The following USP47 variants were observed in gnomAD, a reference collection of about 807,000 sequenced individuals.
USP47 encodes ubiquitin specific peptidase 47.
In USP47, 35 loss-of-function variants were observed where a neutral mutation model predicts 165.1. The ratio of observed to expected loss-of-function variants is 0.21; its 90% CI spans 0.16 to 0.28. The LOEUF (loss-of-function observed/expected upper bound fraction) is 0.28, where lower values mean the gene tolerates loss of function less well. USP47 is among the 10% of genes least tolerant of loss of function. The probability of loss-of-function intolerance (pLI) is 1.00; values close to 1 mark genes in which losing one functional copy is unlikely to be tolerated. For missense variants in USP47, 1,277 were observed against 1,607.4 expected, an observed-to-expected ratio of 0.79 and a Z score of 3.52; for synonymous variants, 531 against 544.5, an observed-to-expected ratio of 0.98 and a Z score of 0.35.
At chr11:11,887,275 C>T (rs929790670) in intron 3 of USP47, among the ~76,000 whole-genome samples, 1 of 152,000 alleles carries the variant, frequency 6.6e-6, no homozygotes, top group Non-Finnish European at 1.5e-5. Flanking sequence ...TTAAAAGGCA[C>T]AGAATGGCAA....
At chr11:11,901,182 C>T (rs573446152) in intron 5 of USP47, among the ~76,000 whole-genome samples, 5 of 152,132 alleles carry the variant, frequency 3.3e-5, no homozygotes, top group Non-Finnish European at 5.9e-5. Context: ...AGAGCTGTGA[C>T]TTCTCAGTCC....
At chr11:11,878,676 G>A (rs547063955) in intron 1 of USP47, 16 of 151,338 alleles carry the variant, frequency 1.1e-4, no homozygotes, top group Non-Finnish European at 2.2e-4. Context: ...TAAATATTTG[G>A]ATGTGTCTGA....
chr11:11,926,652 T>A lies in USP47; in HGVS notation c.1387-2782T>A, dbSNP rs546675013. ...TTCATTTTTTTTTCCTATTCTCTAT[T>A]TATTTCTGCTCTAATCTTTATTTCC... On this transcript the variant is annotated intron_variant, in intron 11 of 27. Transcript: ENST00000527733. Among the ~76,000 whole-genome samples the A allele has an allele frequency of 3.9e-5, 6 of 151,996 alleles. 1 individual carries two copies. In the South Asian group the frequency reaches 1.2e-3, roughly 32 times the overall value.
At chr11:11,877,838 T>C (rs1564860872) in intron 1 of USP47, among the ~76,000 whole-genome samples, 3 of 97,036 alleles carry the variant, frequency 3.1e-5, no homozygotes, top group African/African-American at 1.1e-4. Flanking sequence ...TGTGTGTGTG[T>C]GTGTGTGTGT....
chr11:11,945,638 C>CT (rs1177080415), intron 20 of USP47, among the ~76,000 whole-genome samples: 1 of 150,088 alleles, frequency 6.7e-6, no homozygotes, highest in Non-Finnish European at 1.5e-5. Flanking sequence ...TACCGCTTCA[C>CT]TTAAGAAATT....
chr11:11,945,896 C>T (rs1348765955), intron 20 of USP47, among the ~76,000 whole-genome samples: 1 of 151,240 alleles, frequency 6.6e-6, no homozygotes, highest in Non-Finnish European at 1.5e-5. Flanking sequence ...GATCGTACCA[C>T]TGCACTCCAG....
intron 3 of USP47, among the ~76,000 whole-genome samples, chr11:11,888,500 A>G (rs1258599394): frequency 1.3e-5 from 2 of 152,186 alleles, no homozygotes; most frequent in East Asian, 3.8e-4. Context: ...AGACTGAACT[A>G]GGAAGAAATT....
At chr11:11,886,393 A>G (rs1216967723) in intron 3 of USP47, among the ~76,000 whole-genome samples, 2 of 152,216 alleles carry the variant, frequency 1.3e-5, no homozygotes, top group African/African-American at 4.8e-5. Context: ...TCAGAAAGGA[A>G]CATTACTGAC....
At chr11:11,955,251 T>C in intron 27 of USP47, 87 bp downstream of exon 27, 1 of 1,509,824 alleles carries the variant, frequency 6.6e-7, no homozygotes, top group Non-Finnish European at 8.9e-7. Context: ...CTTTACTGTT[T>C]TTATGATATG....
chr11:11,849,290 G>C (rs1298049989), intron 1 of USP47, among the ~76,000 whole-genome samples: 1 of 152,156 alleles, frequency 6.6e-6, no homozygotes, highest in Non-Finnish European at 1.5e-5. Context: ...ATTTTGCTTT[G>C]CTTAGTTTTC....
chr11:11,905,915 T>C (rs1178149967), intron 8 of USP47, among the ~76,000 whole-genome samples: 1 of 152,128 alleles, frequency 6.6e-6, no homozygotes, highest in African/African-American at 2.4e-5. Flanking sequence ...TTTGGGGGGA[T>C]TGTTTTGATC....
chr11:11,939,651 A>T (rs1056023022), intron 18 of USP47, among the ~76,000 whole-genome samples: 2 of 151,984 alleles, frequency 1.3e-5, no homozygotes, highest in African/African-American at 2.4e-5. Flanking sequence ...ATGTAAAAAA[A>T]ATTAGTTTAA....
At chr11:11,935,687 A>G (rs1003598692) in intron 16 of USP47, among the ~76,000 whole-genome samples, 8 of 151,938 alleles carry the variant, frequency 5.3e-5, no homozygotes, top group African/African-American at 1.9e-4. Flanking sequence ...ATTTCCTATC[A>G]AGAGAGTTGT....
chr11:11,923,041 CAT>C (rs56976706), intron 11 of USP47, 150 bp downstream of exon 11: 3,099 of 138,906 alleles, frequency 0.022, 38 homozygotes, highest in African/African-American at 0.048. Flanking sequence ...TTTTTTTGTA[CAT>C]ATATATATAT....
At chr11:11,854,988 G>T (rs113262751) in intron 1 of USP47, among the ~76,000 whole-genome samples, 20 of 117,644 alleles carry the variant, frequency 1.7e-4, no homozygotes, top group African/African-American at 5.1e-4. Context: ...CCAGCTACTC[G>T]GGAGGCTGAG....
intron 8 of USP47, among the ~76,000 whole-genome samples, chr11:11,915,381 T>C (rs1590367684): frequency 6.6e-6 from 1 of 152,072 alleles, no homozygotes; most frequent in South Asian, 2.1e-4. Flanking sequence ...TATAAGAGGG[T>C]GGCACAAGTT....
At chr11:11,858,405 A>G (rs374343595) in intron 1 of USP47, among the ~76,000 whole-genome samples, 1 of 152,208 alleles carries the variant, frequency 6.6e-6, no homozygotes, top group Non-Finnish European at 1.5e-5. Context: ...ATTTATATAT[A>G]GAAAAATTCA....
chr11:11,887,790 A>G (rs1034642834), intron 3 of USP47, among the ~76,000 whole-genome samples: 19 of 152,170 alleles, frequency 1.2e-4, no homozygotes, highest in African/African-American at 4.6e-4. Context: ...TCATCACCAC[A>G]CAGCACTTAC....
chr11:11,920,916 G>A (rs916830270), intron 10 of USP47, among the ~76,000 whole-genome samples: 6 of 151,494 alleles, frequency 4.0e-5, no homozygotes, highest in Non-Finnish European at 8.9e-5. Context: ...GAATAGCATG[G>A]GCTTAATTTC....
Sources: gnomAD v4.1 joint callset for allele counts (sites outside exome capture counted in the v4.1 genomes callset) on GRCh38, gnomAD v4.1.1 for gene constraint, MANE v1.5 for transcripts, NCBI Gene and HGNC (gene_info 2026-07-23, HGNC 2026-07-21) for gene names.